LPCAT2: variants seen among roughly 807,000 people sequenced by gnomAD.
LPCAT2 encodes the protein lysophosphatidylcholine acyltransferase 2, also known as 1-AGP acyltransferase 11.
LPCAT2 carries 58 observed loss-of-function variants against 64.7 expected under a neutral mutation model. That is an observed-to-expected ratio of 0.90 (90% CI 0.73 to 1.12). LPCAT2 has a LOEUF of 1.12. Among genes scored for constraint, LPCAT2 ranks in the 50% most tolerant of loss-of-function variants. The probability of loss-of-function intolerance (pLI) is 0.00; values close to 1 mark genes in which losing one functional copy is unlikely to be tolerated. For synonymous variants in LPCAT2, 252 were observed against 245.3 expected, an observed-to-expected ratio of 1.03 and a Z score of -0.26; for missense variants, 579 against 669.8, an observed-to-expected ratio of 0.86 and a Z score of 1.50.
At chr16:55,515,512 C>T (rs1302978528) in intron 1 of LPCAT2, among the ~76,000 whole-genome samples, 1 of 152,168 alleles carries the variant, frequency 6.6e-6, no homozygotes, top group African/African-American at 2.4e-5. Flanking sequence ...TAGACAGTAA[C>T]TCAAATTCAC....
chr16:55,555,539 A>G (rs1567401910), intron 11 of LPCAT2, among the ~76,000 whole-genome samples: 2 of 152,242 alleles, frequency 1.3e-5, no homozygotes, highest in Non-Finnish European at 1.5e-5. Flanking sequence ...TAAAGAAAAC[A>G]TGGTTTGATG....
At chr16:55,551,776 T>C (rs1963521158) in intron 11 of LPCAT2, among the ~76,000 whole-genome samples, 1 of 152,172 alleles carries the variant, frequency 6.6e-6, no homozygotes, top group Non-Finnish European at 1.5e-5. Context: ...TGTTTTAATA[T>C]ATAAAATTGA....
chr16:55,514,252 G>A (rs577744269), intron 1 of LPCAT2, among the ~76,000 whole-genome samples: 1 of 152,210 alleles, frequency 6.6e-6, no homozygotes, highest in African/African-American at 2.4e-5. Flanking sequence ...TCAAGGCTAT[G>A]CACATGTCCT....
chr16:55,533,747 A>T (rs1350691935), intron 6 of LPCAT2, among the ~76,000 whole-genome samples: 1 of 152,078 alleles, frequency 6.6e-6, no homozygotes, highest in Admixed American at 6.6e-5. Context: ...TTGACTCAGG[A>T]AGTAGTCTCT....
intron 8 of LPCAT2, among the ~76,000 whole-genome samples, chr16:55,544,083 C>T (rs1325227760): frequency 6.6e-6 from 1 of 152,156 alleles, no homozygotes; most frequent in African/African-American, 2.4e-5. Context: ...TGCTCTTAGT[C>T]TCTTCTTTGG....
At chr16:55,570,450 C>T (rs1011613199) in intron 11 of LPCAT2, among the ~76,000 whole-genome samples, 1 of 151,946 alleles carries the variant, frequency 6.6e-6, no homozygotes, top group Non-Finnish European at 1.5e-5. Context: ...ATGGCAAAAC[C>T]CCGTTTCAAC....
rs577500791 is a variant in LPCAT2, at chr16:55,571,277, A to G, written c.1216-3354A>G. ...TTATTTTTTCAAGAGTTTTAAGTGG[A>G]CAATATTTGAACAAGTAGCCTAGAG... On this transcript the variant is annotated intron_variant, in intron 11 of 13. Transcript: ENST00000262134. 1.7e-4 allele frequency among the ~76,000 whole-genome samples: 26 copies of G among 152,282 alleles called. No individual in the cohort carries two copies. In the South Asian group the frequency reaches 5.2e-3, roughly 30 times the overall value.
Position 55,509,339 on chromosome 16 carries a change from C to T in LPCAT2, c.158C>T (p.Ala53Val). 2 of 1,424,258 alleles carry T rather than the reference C, an allele frequency of 1.4e-6. No homozygotes were observed. The allele number at this position is 1,424,258 out of a possible 1,614,324, so 88.2% of individuals were successfully genotyped here. A position where few individuals can be genotyped will look rare whatever the true frequency, so the allele number is the denominator to read the frequency against. ...PFVQQTQIGS[A>V]RRVQIVLLGI... is the part of the protein sequence containing the mutation. The stretch of plus-strand genomic sequence containing the variant: ...GTGCAGCAGACGCAGATCGGCTCCG[C>T]GAGGCGGGTCCAGGTGAGGGGCGTG... The change falls in exon 1 of 14, where the codon GCG becomes GTG. Residue 53 changes from alanine to valine, a missense_variant. Ala to Val is a moderately conservative substitution (Grantham distance 64). Transcript: ENST00000262134.
intron 1 of LPCAT2, among the ~76,000 whole-genome samples, chr16:55,512,194 G>A (rs1393738365): frequency 6.6e-6 from 1 of 152,264 alleles, no homozygotes; most frequent in African/African-American, 2.4e-5. Context: ...AAGACTGATA[G>A]CATAAGTTTC....
chr16:55,549,165 T>C, intron 9 of LPCAT2, 112 bp from the exon 10 acceptor site: 1 of 784,220 alleles, frequency 1.3e-6, no homozygotes, highest in Non-Finnish European at 2.0e-6. Flanking sequence ...GTTTAAAAAG[T>C]AGTAAATACT....
chr16:55,576,905 C>T (rs149419147), intron 12 of LPCAT2, among the ~76,000 whole-genome samples: 26 of 152,138 alleles, frequency 1.7e-4, no homozygotes, highest in African/African-American at 6.3e-4. Context: ...TTAGTATGGA[C>T]CATGTAAAAG....
intron 2 of LPCAT2, among the ~76,000 whole-genome samples, chr16:55,527,382 A>G (rs2142377784): frequency 6.6e-6 from 1 of 150,980 alleles, no homozygotes; most frequent in East Asian, 2.0e-4. Flanking sequence ...CGAGAGACTG[A>G]GGCAGGAGAA....
chr16:55,516,029 A>C (rs1275570427), intron 1 of LPCAT2, among the ~76,000 whole-genome samples: 1 of 152,242 alleles, frequency 6.6e-6, no homozygotes, highest in Non-Finnish European at 1.5e-5. Flanking sequence ...TAAACTGATA[A>C]AACAATTAAA....
intron 4 of LPCAT2, 146 bp from the exon 5 acceptor site, chr16:55,531,768 T>C (rs1474129287): frequency 1.2e-5 from 7 of 606,908 alleles, no homozygotes; most frequent in Non-Finnish European, 1.8e-5. Flanking sequence ...AATCTGATAG[T>C]AGCTTTCATT....
intron 11 of LPCAT2, among the ~76,000 whole-genome samples, chr16:55,573,606 G>A (rs1963794206): frequency 6.6e-6 from 1 of 151,996 alleles, no homozygotes; most frequent in Non-Finnish European, 1.5e-5. Flanking sequence ...TAGTTTATCT[G>A]GGAATTTATC....
At chr16:55,562,825 C>A (rs542658087) in intron 11 of LPCAT2, among the ~76,000 whole-genome samples, 12 of 151,972 alleles carry the variant, frequency 7.9e-5, no homozygotes, top group African/African-American at 2.6e-4. Flanking sequence ...TAAGTCCTAG[C>A]TACTTTTCCC....
At position 55,519,276 on chromosome 16, in the gene LPCAT2, G is replaced by A. The variant is rs185366025; in HGVS notation, c.172-6232G>A. On this transcript the variant is annotated intron_variant, in intron 1 of 13. Coordinates refer to ENST00000262134, the MANE Select transcript of LPCAT2 (RefSeq NM_017839.5). Reference sequence around the variant, plus strand: ...GGCACTTTGGGAGGCCGAGGTGGGCGGATCACGGGGTCAGGACATTGAGAC... The same window carrying A: ...GGCACTTTGGGAGGCCGAGGTGGGCAGATCACGGGGTCAGGACATTGAGAC... Among the ~76,000 whole-genome samples, 434 of 151,964 alleles carry A rather than the reference G, an allele frequency of 2.9e-3. 10 individuals are homozygous for A. In the South Asian group the frequency reaches 0.05, roughly 18 times the overall value.
chr16:55,524,829 C>A (rs969874571), intron 1 of LPCAT2, among the ~76,000 whole-genome samples: 1 of 151,978 alleles, frequency 6.6e-6, no homozygotes, highest in Non-Finnish European at 1.5e-5. Flanking sequence ...CAATTTAACT[C>A]CCTCTGTGTT....
Position 55,583,004 on chromosome 16 carries a change from T to A in LPCAT2, c.1541T>A (p.Leu514Ter), listed in dbSNP as rs754242112. 1.2e-6 allele frequency: 2 copies of A among 1,613,818 alleles called. No individual in the cohort carries two copies. Among genetic ancestry groups the A allele is most frequent in the South Asian group, 2.2e-5 (2 of 91,074 alleles). Reference sequence around the variant, plus strand: ...CTCCAGACGTGCCATGTGTTTTCATTACCAAAAGAAGTCCAGACAACCCCC... The same window carrying A: ...CTCCAGACGTGCCATGTGTTTTCATAACCAAAAGAAGTCCAGACAACCCCC... ...LDLQTCHVFS[L>*]PKEVQTTPST... The change falls in exon 14 of 14, where the codon TTA becomes TAA. Residue 514 changes from leucine (L) to a stop codon, truncating the protein, a stop_gained. Transcript: ENST00000262134. LOFTEE classifies it high-confidence loss of function.
Sources: allele counts gnomAD v4.1 joint callset (sites outside exome capture counted in the v4.1 genomes callset), GRCh38; gene constraint gnomAD v4.1.1; transcripts MANE v1.5; gene names NCBI Gene and HGNC (gene_info 2026-07-23, HGNC 2026-07-21).